Variants in ARHGAP15 observed in about 807,000 individuals in gnomAD.
ARHGAP15 encodes the protein rho GTPase-activating protein 15.
ARHGAP15 carries 51 observed loss-of-function variants against 63.7 expected under a neutral mutation model. That is an observed-to-expected ratio of 0.80 (90% CI 0.64 to 1.01). The LOEUF is 1.01. Among genes scored for constraint, ARHGAP15 ranks in the 50% least tolerant of loss-of-function variants. The pLI, the probability that ARHGAP15 is intolerant of heterozygous loss-of-function variation, is 0.00. For missense variants in ARHGAP15, 560 were observed against 564.6 expected, an observed-to-expected ratio of 0.99 and a Z score of 0.08; for synonymous variants, 191 against 193.8, an observed-to-expected ratio of 0.99 and a Z score of 0.12.
chr2:143,566,935 C>T (rs904653587), intron 11 of ARHGAP15, among the ~76,000 whole-genome samples: 5 of 151,752 alleles, frequency 3.3e-5, no homozygotes, highest in African/African-American at 1.2e-4. Context: ...TCGCCCAGTG[C>T]CACGATCTCG....
At chr2:143,568,232 C>A (rs952604197) in intron 11 of ARHGAP15, among the ~76,000 whole-genome samples, 50 of 151,640 alleles carry the variant, frequency 3.3e-4, no homozygotes, top group Non-Finnish European at 4.7e-4. Context: ...AGTGAACAGG[C>A]AACCTACAGA....
chr2:143,729,959 G>A (rs2105481690), intron 13 of ARHGAP15, among the ~76,000 whole-genome samples: 1 of 152,192 alleles, frequency 6.6e-6, no homozygotes. Context: ...CTAGAAAGTG[G>A]GGTAAGACCA....
chr2:143,362,648 C>G (rs1014196302), intron 6 of ARHGAP15, among the ~76,000 whole-genome samples: 2 of 152,144 alleles, frequency 1.3e-5, no homozygotes, highest in Non-Finnish European at 2.9e-5. Flanking sequence ...CAAGACTAAA[C>G]AAGAATACTT....
rs573228695 is a variant in ARHGAP15, at chr2:143,279,621, T to C, written c.474+29021T>C. 1.1e-4 allele frequency among the ~76,000 whole-genome samples: 16 copies of C among 152,280 alleles called. 1 individual carries two copies. The South Asian group carries it at 1.9e-3, about 18-fold the overall frequency. On this transcript the variant is annotated intron_variant, in intron 6 of 13. Transcript: ENST00000295095. ...GAGCTATACATTTTTATATTTAGAT[T>C]ACAGAATTCTATCCTTCAAGAATTC... is the stretch of plus-strand genomic sequence containing the variant.
At chr2:143,499,579 G>A (rs1692965626) in intron 9 of ARHGAP15, among the ~76,000 whole-genome samples, 1 of 152,270 alleles carries the variant, frequency 6.6e-6, no homozygotes, top group East Asian at 1.9e-4. Context: ...AATAATTCCT[G>A]AGAAACTGAG....
chr2:143,760,137 A>G (rs1206669283), intron 13 of ARHGAP15, among the ~76,000 whole-genome samples: 1 of 152,178 alleles, frequency 6.6e-6, no homozygotes, highest in Non-Finnish European at 1.5e-5. Flanking sequence ...ACACATAGTA[A>G]GTACGCAATA....
At chr2:143,712,439 T>C (rs2105443684) in intron 13 of ARHGAP15, among the ~76,000 whole-genome samples, 1 of 152,252 alleles carries the variant, frequency 6.6e-6, no homozygotes, top group Admixed American at 6.5e-5. Flanking sequence ...AGAAAGGTGA[T>C]TGAGATCTAG....
At chr2:143,703,079 A>T (rs1403249946) in intron 12 of ARHGAP15, among the ~76,000 whole-genome samples, 1 of 152,214 alleles carries the variant, frequency 6.6e-6, no homozygotes, top group Non-Finnish European at 1.5e-5. Flanking sequence ...TCAGGAAGAT[A>T]ATGTCAAAGT....
chr2:143,730,730 T>G (rs1685489637), intron 13 of ARHGAP15, among the ~76,000 whole-genome samples: 1 of 152,058 alleles, frequency 6.6e-6, no homozygotes, highest in Non-Finnish European at 1.5e-5. Flanking sequence ...CACAGTGCAG[T>G]GTCTCTTTAA....
intron 8 of ARHGAP15, chr2:143,471,848 C>G (rs1691592530): frequency 6.6e-6 from 1 of 152,174 alleles, no homozygotes; most frequent in African/African-American, 2.4e-5. Context: ...GAGGACCCAT[C>G]TTTTACTCTG....
rs1302255090 is a variant in ARHGAP15 at position 143,531,125 on chromosome 2, C to CACGT, written c.925+11761_925+11762insACGT. 3.5e-3 allele frequency among the ~76,000 whole-genome samples: 469 copies of CACGT among 134,628 alleles called. 1 individual carries two copies. Among genetic ancestry groups the CACGT allele is most frequent in the Non-Finnish European group, 6.1e-3 (385 of 62,774 alleles). The allele number at this position is 134,628 out of a possible 152,430, so 88.3% of individuals were successfully genotyped here. A position where few individuals can be genotyped will look rare whatever the true frequency, so the allele number is the denominator to read the frequency against. Reference sequence around the variant, plus strand: ...TTGATGCTGTGTGTGTATGTGTGTGCGCGCATGTGTGTGTTCTGTTCTGGA... The same window carrying CACGT: ...TTGATGCTGTGTGTGTATGTGTGTGCACGTGCGCATGTGTGTGTTCTGTTCTGGA... On this transcript the variant is annotated intron_variant, in intron 10 of 13. Transcript: ENST00000295095.
intron 6 of ARHGAP15, among the ~76,000 whole-genome samples, chr2:143,407,305 A>G (rs185926206): frequency 2.7e-5 from 4 of 149,602 alleles, no homozygotes; most frequent in Non-Finnish European, 4.4e-5. Context: ...AATATAACCC[A>G]TTCATATTTT....
intron 6 of ARHGAP15, among the ~76,000 whole-genome samples, chr2:143,288,571 T>G (rs1373182450): frequency 6.6e-6 from 1 of 152,112 alleles, no homozygotes; most frequent in African/African-American, 2.4e-5. Context: ...GTGTACATTT[T>G]CATCCACAAG....
At chr2:143,648,003 G>A (rs116585943) in intron 12 of ARHGAP15, among the ~76,000 whole-genome samples, 65 of 151,944 alleles carry the variant, frequency 4.3e-4, no homozygotes, top group African/African-American at 1.4e-3. Flanking sequence ...ATTAATCCTC[G>A]GAATATTAGT....
chr2:143,626,375 T>G (rs1178412437), intron 12 of ARHGAP15, among the ~76,000 whole-genome samples: 1 of 152,166 alleles, frequency 6.6e-6, no homozygotes, highest in Non-Finnish European at 1.5e-5. Context: ...CTCAGGGTTA[T>G]TGTGTCAGGA....
chr2:143,673,837 G>A (rs1214402627), intron 12 of ARHGAP15, among the ~76,000 whole-genome samples: 1 of 138,594 alleles, frequency 7.2e-6, no homozygotes, highest in Non-Finnish European at 1.6e-5. Context: ...TACAAATGGG[G>A]AAAAGAATAA....
chr2:143,308,477 AACACAC>A lies in ARHGAP15; in HGVS notation c.474+57902_474+57907del, dbSNP rs4008341. 2.6e-3 allele frequency among the ~76,000 whole-genome samples: 390 copies of A among 149,154 alleles called. 1 individual carries two copies. The highest frequency in any genetic ancestry group is 6.4e-3 in the East Asian group (32 of 5,006). ...AGTTTGCAGGATTGAGTTGATAAGAAACACACACACACACACACACACACACACACT... is the reference window on the plus strand; with the variant it reads ...AGTTTGCAGGATTGAGTTGATAAGAAACACACACACACACACACACACACT... On this transcript the variant is annotated intron_variant, in intron 6 of 13. Transcript: ENST00000295095.
At chr2:143,156,065 A>G (rs1690066865) in intron 2 of ARHGAP15, among the ~76,000 whole-genome samples, 1 of 151,878 alleles carries the variant, frequency 6.6e-6, no homozygotes. Context: ...AAAAAATGTG[A>G]AAATCTCTTC....
At chr2:143,699,543 A>T (rs1248429681) in intron 12 of ARHGAP15, among the ~76,000 whole-genome samples, 1 of 152,224 alleles carries the variant, frequency 6.6e-6, no homozygotes, top group Non-Finnish European at 1.5e-5. Context: ...TGTACTTTTC[A>T]TAAGGATACT....
Sources: allele counts gnomAD v4.1 joint callset (sites outside exome capture counted in the v4.1 genomes callset), GRCh38; gene constraint gnomAD v4.1.1; transcripts MANE v1.5; gene names NCBI Gene and HGNC (gene_info 2026-07-23, HGNC 2026-07-21).